SLC7A1: variants seen among roughly 807,000 people sequenced by gnomAD.
The protein encoded by SLC7A1 is solute carrier family 7 member 1.
A neutral mutation model predicts 53.9 loss-of-function variants in SLC7A1; 10 were observed. That is an observed-to-expected ratio of 0.19 (90% CI 0.11 to 0.31). The LOEUF is 0.31. Among genes scored for constraint, SLC7A1 ranks in the 10% least tolerant of loss-of-function variants. The pLI is 1.00. For synonymous variants in SLC7A1, 342 were observed against 338.7 expected, an observed-to-expected ratio of 1.01 and a Z score of -0.11; for missense variants, 525 against 827.2, an observed-to-expected ratio of 0.63 and a Z score of 4.48.
rs1433602804 is a variant in SLC7A1 at position 29,517,297 on chromosome 13, G to A, written c.1524C>T (p.Ile508=). The part of the protein sequence containing the change: ...ISTSLIAVLI[I]TFCIVTVLGR... Reference sequence around the variant, plus strand: ...CAAGCACGGTCACAATGCAGAAGGTGATGATGAGAACAGCTAAGGGGGAAG... The same window carrying A: ...CAAGCACGGTCACAATGCAGAAGGTAATGATGAGAACAGCTAAGGGGGAAG... Residue 508 remains isoleucine, a synonymous_variant, in exon 11 of 13, where the codon ATC becomes ATT. Transcript: ENST00000380752. The A allele has an allele frequency of 6.2e-7, 1 of 1,611,584 alleles. No individual in the cohort carries two copies.
At position 29,514,450 on chromosome 13, in the gene SLC7A1, G is replaced by A. The variant is rs1883492936; in HGVS notation, c.*30C>T. 4 of 1,564,672 alleles carry A rather than the reference G, an allele frequency of 2.6e-6. No individual in the cohort carries two copies. Among genetic ancestry groups the A allele is most frequent in the Non-Finnish European group, 3.5e-6 (4 of 1,145,596 alleles). Reference sequence around the variant, plus strand: ...TCCTCTGGGGGCGTCCCTCGGGGCTGCTGCCACCTCCGGGGGGCGGGGCTG... The same window carrying A: ...TCCTCTGGGGGCGTCCCTCGGGGCTACTGCCACCTCCGGGGGGCGGGGCTG... On this transcript the variant is annotated 3_prime_UTR_variant, in exon 13 of 13. Coordinates refer to ENST00000380752, the MANE Select transcript of SLC7A1 (RefSeq NM_003045.5).
chr13:29,562,738 GC>G lies in SLC7A1; in HGVS notation c.-114-8879del, dbSNP rs1266558531. Among the ~76,000 whole-genome samples, 6 of 152,268 alleles carry G rather than the reference GC, an allele frequency of 3.9e-5. No homozygotes were observed. In the East Asian group the frequency reaches 1.2e-3, roughly 29 times the overall value. ...TACCAGTTCCTGTCCAATCCCTGAG[GC>G]AGCAATAAAATGTAAACGCAAAAGC... On this transcript the variant is annotated intron_variant, in intron 1 of 12. Coordinates refer to ENST00000380752, the MANE Select transcript of SLC7A1 (RefSeq NM_003045.5).
chr13:29,576,167 C>G (rs139506071), intron 1 of SLC7A1, among the ~76,000 whole-genome samples: 45 of 151,766 alleles, frequency 3.0e-4, no homozygotes, highest in African/African-American at 9.2e-4. Flanking sequence ...TGGAGTGCAC[C>G]TGTAGTCCCA....
chr13:29,555,357 C>CAAAAAAAAAAAAAAAAAAA, intron 1 of SLC7A1, among the ~76,000 whole-genome samples: 9 of 18,778 alleles, frequency 4.8e-4, no homozygotes, highest in South Asian at 4.4e-3. Flanking sequence ...GACTCCGTCT[C>CAAAAAAAAAAAAAAAAAAA]AAAAAAAAAA....
chr13:29,572,419 A>G (rs1315818620), intron 1 of SLC7A1, among the ~76,000 whole-genome samples: 1 of 152,210 alleles, frequency 6.6e-6, no homozygotes, highest in Non-Finnish European at 1.5e-5. Context: ...GAGGCCACCC[A>G]GGAGGATGCT....
intron 2 of SLC7A1, among the ~76,000 whole-genome samples, chr13:29,547,927 C>CA (rs1342700404): frequency 6.6e-6 from 1 of 152,254 alleles, no homozygotes; most frequent in Non-Finnish European, 1.5e-5. Flanking sequence ...TCCACAACCC[C>CA]AGTGCCAGGA....
chr13:29,531,429 C>T (rs538330586), intron 4 of SLC7A1, among the ~76,000 whole-genome samples: 1 of 152,156 alleles, frequency 6.6e-6, no homozygotes, highest in Non-Finnish European at 1.5e-5. Context: ...CATTCGGGTA[C>T]TTCCATAGCT....
At chr13:29,538,727 G>C (rs1048811134) in intron 2 of SLC7A1, among the ~76,000 whole-genome samples, 1 of 152,246 alleles carries the variant, frequency 6.6e-6, no homozygotes. Context: ...AAACAATTGC[G>C]TGGATAGTAA....
chr13:29,575,695 G>A (rs1432600109), intron 1 of SLC7A1, among the ~76,000 whole-genome samples: 1 of 152,120 alleles, frequency 6.6e-6, no homozygotes, highest in Non-Finnish European at 1.5e-5. Flanking sequence ...TAAACCAAAG[G>A]TTTTTCATAC....
intron 2 of SLC7A1, among the ~76,000 whole-genome samples, chr13:29,543,824 G>A (rs1740596959): frequency 1.3e-5 from 2 of 152,000 alleles, no homozygotes; most frequent in African/African-American, 2.4e-5. Context: ...AGGATCAGAG[G>A]TTCTGCAGGA....
intron 11 of SLC7A1, 72 bp downstream of exon 11, chr13:29,517,072 G>A (rs1883578549): frequency 9.8e-6 from 14 of 1,435,514 alleles, no homozygotes; most frequent in South Asian, 1.5e-5. Context: ...CTGAGCCCAC[G>A]CAGGGCTGGC....
chr13:29,583,931 A>C (rs1304838393), intron 1 of SLC7A1, among the ~76,000 whole-genome samples: 1 of 152,184 alleles, frequency 6.6e-6, no homozygotes, highest in East Asian at 1.9e-4. Flanking sequence ...AAAAACAAAC[A>C]AACAAACAAA....
At chr13:29,565,960 G>A (rs1279005076) in intron 1 of SLC7A1, among the ~76,000 whole-genome samples, 1 of 152,204 alleles carries the variant, frequency 6.6e-6, no homozygotes, top group East Asian at 1.9e-4. Context: ...TCAAAAGGCA[G>A]TGAGTTAGAT....
chr13:29,535,905 C>T lies in SLC7A1; in HGVS notation c.284G>A (p.Gly95Asp). Reference protein sequence around the residue: ...GEFGARVPKTGSAYLYSYVTV... With the variant: ...GEFGARVPKTDSAYLYSYVTV... ...GACATAGCTGTAGAGGTAAGCTGAG[C>T]CCGTCTTGGGGACCCGAGCACCAAA... is the stretch of plus-strand genomic sequence containing the variant. The change falls in exon 3 of 13, where the codon GGC (glycine) becomes GAC (aspartate). Residue 95 changes from glycine to aspartate, a missense_variant. Physicochemically the swap from Gly to Asp is moderately conservative, Grantham distance 94. Transcript: ENST00000380752. 1 of 1,614,196 alleles carries T rather than the reference C, an allele frequency of 6.2e-7. No individual in the cohort carries two copies. Among genetic ancestry groups the T allele is most frequent in the South Asian group, 1.1e-5 (1 of 91,088 alleles).
intron 1 of SLC7A1, among the ~76,000 whole-genome samples, chr13:29,569,503 C>T (rs1871106707): frequency 6.6e-6 from 1 of 152,194 alleles, no homozygotes; most frequent in African/African-American, 2.4e-5. Context: ...CTGCAGCTAC[C>T]AGGCCCACTG....
At chr13:29,591,951 T>C (rs989255762) in intron 1 of SLC7A1, among the ~76,000 whole-genome samples, 2 of 152,324 alleles carry the variant, frequency 1.3e-5, no homozygotes, top group South Asian at 4.1e-4. Flanking sequence ...AAGAACACTG[T>C]GGACTCCATG....
Position 29,525,915 on chromosome 13 carries a change from T to A in SLC7A1, c.705-1662A>T, listed in dbSNP as rs2989593. Among the ~76,000 whole-genome samples, 4 of 152,206 alleles carry A rather than the reference T, an allele frequency of 2.6e-5. No homozygotes were observed. In the East Asian group the frequency reaches 7.7e-4, roughly 29 times the overall value. On this transcript the variant is annotated intron_variant, in intron 5 of 12. Transcript: ENST00000380752. ...TGGAGCTGTGCCCAACTCATCCAAA[T>A]CCCCTCGCCTCTCAGGCCAGAGGCC... is the stretch of plus-strand genomic sequence containing the variant.
At chr13:29,516,383 C>T (rs1043413202) in intron 11 of SLC7A1, 137 bp from the exon 12 acceptor site, 21 of 619,284 alleles carry the variant, frequency 3.4e-5, no homozygotes, top group African/African-American at 2.2e-4. Flanking sequence ...GAGGGAGTGC[C>T]CACCCCCACT....
intron 2 of SLC7A1, among the ~76,000 whole-genome samples, chr13:29,549,363 G>C (rs1286745406): frequency 1.3e-5 from 2 of 152,130 alleles, no homozygotes; most frequent in African/African-American, 4.8e-5. Context: ...GTGCCAGAGG[G>C]GGTGAAGGGT....
Sources: allele counts gnomAD v4.1 joint callset (sites outside exome capture counted in the v4.1 genomes callset), GRCh38; gene constraint gnomAD v4.1.1; transcripts MANE v1.5; gene names NCBI Gene and HGNC (gene_info 2026-07-23, HGNC 2026-07-21).